Variants in GPC5 observed in about 807,000 individuals in gnomAD.
The protein encoded by GPC5 is glypican-5.
GPC5 carries 47 observed loss-of-function variants against 53.9 expected under a neutral mutation model. The ratio of observed to expected loss-of-function variants is 0.87; its 90% CI spans 0.69 to 1.11. GPC5 has a LOEUF of 1.11. GPC5 is among the 50% of genes most tolerant of loss of function. The probability of loss-of-function intolerance (pLI) is 0.00; values close to 1 mark genes in which losing one functional copy is unlikely to be tolerated. For missense variants in GPC5, 748 were observed against 713.1 expected, an observed-to-expected ratio of 1.05 and a Z score of -0.56; for synonymous variants, 286 against 263.3, an observed-to-expected ratio of 1.09 and a Z score of -0.84.
intron 5 of GPC5, among the ~76,000 whole-genome samples, chr13:91,886,959 C>T (rs2039330015): frequency 6.6e-6 from 1 of 152,242 alleles, no homozygotes; most frequent in African/African-American, 2.4e-5. Context: ...TGGTGGCCCT[C>T]TTCTCACAGC....
At chr13:92,200,336 A>C (rs2139059392) in intron 7 of GPC5, among the ~76,000 whole-genome samples, 1 of 152,336 alleles carries the variant, frequency 6.6e-6, no homozygotes, top group Admixed American at 6.5e-5. Context: ...AAACAAAACA[A>C]TTACGGCTGT....
rs1350885230 is a variant in GPC5, at chr13:92,445,159, C to G, written c.1561+300170C>G. Among the ~76,000 whole-genome samples, 5 of 151,136 alleles carry G rather than the reference C, an allele frequency of 3.3e-5. No individual in the cohort carries two copies. In the East Asian group the frequency reaches 9.7e-4, roughly 29 times the overall value. On this transcript the variant is annotated intron_variant, in intron 7 of 7. Coordinates refer to ENST00000377067, the MANE Select transcript of GPC5 (RefSeq NM_004466.6). The stretch of plus-strand genomic sequence containing the variant: ...TTTCATTTATTCCTTCCTCTCTTTT[C>G]CTTTCTTCCTTTCTCCTTTTCTTTC...
At chr13:92,341,398 C>G (rs1044979816) in intron 7 of GPC5, among the ~76,000 whole-genome samples, 1 of 151,586 alleles carries the variant, frequency 6.6e-6, no homozygotes, top group African/African-American at 2.4e-5. Flanking sequence ...ATGAGAGACA[C>G]AAAGATTTTT....
At chr13:91,614,793 A>C (rs1472044738) in intron 2 of GPC5, among the ~76,000 whole-genome samples, 1 of 152,190 alleles carries the variant, frequency 6.6e-6, no homozygotes, top group African/African-American at 2.4e-5. Context: ...TTATAATGGC[A>C]AATTTCGAAT....
chr13:92,605,720 G>A (rs1482972021), intron 7 of GPC5, among the ~76,000 whole-genome samples: 1 of 151,956 alleles, frequency 6.6e-6, no homozygotes. Flanking sequence ...CTCCCGAGTA[G>A]CTGGGACTAC....
At chr13:92,380,867 C>A (rs978545069) in intron 7 of GPC5, among the ~76,000 whole-genome samples, 1 of 151,338 alleles carries the variant, frequency 6.6e-6, no homozygotes, top group African/African-American at 2.4e-5. Flanking sequence ...ATGTAACTAA[C>A]CTGCACAATG....
At chr13:91,728,734 C>A in intron 4 of GPC5, 69 bp downstream of exon 4, 2 of 1,406,990 alleles carry the variant, frequency 1.4e-6, no homozygotes, top group Non-Finnish European at 1.9e-6. Flanking sequence ...CAGAATAGAA[C>A]ATATTCAATT....
intron 7 of GPC5, among the ~76,000 whole-genome samples, chr13:92,810,264 A>G (rs902913381): frequency 6.6e-6 from 1 of 151,940 alleles, no homozygotes; most frequent in Non-Finnish European, 1.5e-5. Context: ...TTCAGTTATT[A>G]GAAAAGAATT....
chr13:91,889,380 A>G (rs1479443533), intron 5 of GPC5, among the ~76,000 whole-genome samples: 1 of 152,204 alleles, frequency 6.6e-6, no homozygotes, highest in African/African-American at 2.4e-5. Context: ...AAAATTTCCT[A>G]CTAGATTAGT....
intron 5 of GPC5, among the ~76,000 whole-genome samples, chr13:91,903,092 A>G (rs543902457): frequency 1.3e-5 from 2 of 151,438 alleles, no homozygotes; most frequent in African/African-American, 2.4e-5. Flanking sequence ...AGGAAACTTG[A>G]TATTATTTCT....
intron 5 of GPC5, among the ~76,000 whole-genome samples, chr13:91,769,359 G>C (rs1204827633): frequency 6.6e-6 from 1 of 152,068 alleles, no homozygotes; most frequent in African/African-American, 2.4e-5. Context: ...AACCCACTGG[G>C]TACTACAGCT....
At chr13:91,828,685 A>C (rs1234080125) in intron 5 of GPC5, among the ~76,000 whole-genome samples, 4 of 152,086 alleles carry the variant, frequency 2.6e-5, no homozygotes, top group South Asian at 4.1e-4. Flanking sequence ...CAAACTGAAG[A>C]AGCTCCAAAT....
intron 7 of GPC5, among the ~76,000 whole-genome samples, chr13:92,267,321 A>T (rs868851213): frequency 6.6e-6 from 1 of 151,936 alleles, no homozygotes; most frequent in South Asian, 2.1e-4. Context: ...CCTGTTCTCA[A>T]TCATTACCAC....
At chr13:92,816,577 C>T (rs7321690) in intron 7 of GPC5, among the ~76,000 whole-genome samples, 91,094 of 151,786 alleles carry the variant, frequency 0.6, 28,281 homozygotes, top group East Asian at 0.8. Flanking sequence ...CTTCTTCATT[C>T]TCACCTTGCT....
intron 7 of GPC5, among the ~76,000 whole-genome samples, chr13:92,747,638 C>T (rs775687930): frequency 7.9e-5 from 12 of 152,146 alleles, no homozygotes; most frequent in South Asian, 2.1e-4. Context: ...AGTCTCTTAA[C>T]GAAACCCATT....
chr13:91,413,802 C>T (rs1414102414), intron 1 of GPC5, among the ~76,000 whole-genome samples: 1 of 152,164 alleles, frequency 6.6e-6, no homozygotes, highest in Non-Finnish European at 1.5e-5. Context: ...TGCTCTTTCT[C>T]CGCATTTGGA....
At chr13:92,031,710 A>G (rs1240961633) in intron 6 of GPC5, among the ~76,000 whole-genome samples, 2 of 66,712 alleles carry the variant, frequency 3.0e-5, no homozygotes, top group East Asian at 6.3e-4. Flanking sequence ...TATTATATAT[A>G]TTACATATAT....
intron 7 of GPC5, among the ~76,000 whole-genome samples, chr13:92,855,659 G>T (rs959570434): frequency 1.3e-5 from 2 of 149,076 alleles, no homozygotes; most frequent in Admixed American, 6.7e-5. Flanking sequence ...AGTCAGAAAT[G>T]ACAAAAGTGA....
intron 7 of GPC5, among the ~76,000 whole-genome samples, chr13:92,401,839 C>T (rs547756126): frequency 4.5e-4 from 69 of 152,160 alleles, no homozygotes; most frequent in East Asian, 1.4e-3. Context: ...TAACAGAACA[C>T]GGGTCTTTGC....
Sources: gnomAD v4.1 joint callset for allele counts (sites outside exome capture counted in the v4.1 genomes callset) on GRCh38, gnomAD v4.1.1 for gene constraint, MANE v1.5 for transcripts, NCBI Gene and HGNC (gene_info 2026-07-23, HGNC 2026-07-21) for gene names.